Variants in GRK6 observed in about 807,000 individuals in gnomAD.
GRK6 encodes G protein-coupled receptor kinase 6.
Under a neutral mutation model 80.8 loss-of-function variants are expected in GRK6, and 37 were observed. The observed-to-expected ratio is 0.46, with a 90% CI of 0.35 to 0.60. The LOEUF (loss-of-function observed/expected upper bound fraction) is 0.60. Among genes scored for constraint, GRK6 ranks in the 20% least tolerant of loss-of-function variants. The pLI, the probability that GRK6 is intolerant of heterozygous loss-of-function variation, is 0.00. For synonymous variants in GRK6, 295 were observed against 320.9 expected (o/e 0.92, Z 0.86); for missense variants, 560 against 784.6 (o/e 0.71, Z 3.42).
In GRK6 at chr5:177,441,721, T is replaced by C. The variant is rs1157989033; in HGVS notation, c.1678-16T>C. 1.2e-6 allele frequency: 2 copies of C among 1,603,940 alleles called. No homozygotes were observed. The highest frequency in any genetic ancestry group is 3.3e-5 in the Admixed American group (2 of 60,008). Reference sequence around the variant, plus strand: ...CTGCCTCTCTCCCTCCCTCCGTGTCTTCCCCGTCCCTCCAGGATTGCTGTG... The same window carrying C: ...CTGCCTCTCTCCCTCCCTCCGTGTCCTCCCCGTCCCTCCAGGATTGCTGTG... On this transcript the variant is annotated splice_polypyrimidine_tract_variant and intron_variant, in intron 15 of 15. Transcript: ENST00000355472.
chr5:177,433,368 C>A lies in GRK6; in HGVS notation c.555C>A (p.Thr185=). The change falls in exon 7 of 16, where the codon ACC becomes ACA. Residue 185 remains threonine, a synonymous_variant. Transcript: ENST00000355472. Reference sequence around the variant, plus strand: ...ACAGGCAGCCAGTGACCAAAAACACCTTCAGGCAATACCGAGTCCTGGGCA... The same window carrying A: ...ACAGGCAGCCAGTGACCAAAAACACATTCAGGCAATACCGAGTCCTGGGCA... The part of the protein sequence containing the change: ...WLERQPVTKN[T]FRQYRVLGKG... 1 of 1,614,044 alleles carries A rather than the reference C, an allele frequency of 6.2e-7. No individual in the cohort carries two copies. Among genetic ancestry groups the A allele is most frequent in the Non-Finnish European group, 8.5e-7 (1 of 1,179,942 alleles).
Position 177,441,790 on chromosome 5 carries a change from GC to G in GRK6, c.*5del, listed in dbSNP as rs1446325438. The G allele has an allele frequency of 1.2e-6, 2 of 1,612,482 alleles. No individual in the cohort carries two copies. The highest frequency in any genetic ancestry group is 1.7e-6 in the Non-Finnish European group (2 of 1,179,042). On this transcript the variant is annotated 3_prime_UTR_variant, in exon 16 of 16. Coordinates refer to ENST00000355472, the MANE Select transcript of GRK6 (RefSeq NM_001004106.3). Reference sequence around the variant, plus strand: ...AGGAAGAGCTCCCCACCCGCCTCTAGCCCCCAGCCCGAGGCCCCCACCAGCA... The same window carrying G: ...AGGAAGAGCTCCCCACCCGCCTCTAGCCCCAGCCCGAGGCCCCCACCAGCA...
chr5:177,430,880 G>A lies in GRK6; in HGVS notation c.61G>A (p.Gly21Arg). The change falls in exon 2 of 16, where the codon GGA becomes AGA. Residue 21 changes from glycine (G) to arginine (R), a missense_variant. Physicochemically the swap from Gly to Arg is moderately radical, Grantham distance 125. Transcript: ENST00000355472. ...VLLKAREGGG[G>R]NRKGKSKKWR... ...TCCTATTGCTCCCACAGGTGGCGGT[G>A]GAAATCGCAAAGGCAAAAGCAAGAA... The A allele has an allele frequency of 6.2e-7, 1 of 1,614,064 alleles. No individual in the cohort carries two copies. Among genetic ancestry groups the A allele is most frequent in the East Asian group, 2.2e-5 (1 of 44,884 alleles).
intron 2 of GRK6, among the ~76,000 whole-genome samples, 180 bp downstream of exon 2, chr5:177,431,147 C>G (rs913296110): frequency 1.3e-5 from 2 of 152,248 alleles, no homozygotes; most frequent in African/African-American, 4.8e-5. Flanking sequence ...GGGTGGAGAG[C>G]AGACAGCAAA....
At position 177,441,402 on chromosome 5, in the gene GRK6, C is replaced by T. The variant is rs1764492056; in HGVS notation, c.1678-335C>T. On this transcript the variant is annotated intron_variant, in intron 15 of 15. Coordinates refer to ENST00000355472, the MANE Select transcript of GRK6 (RefSeq NM_001004106.3). ...GCTTTGATCCCCTGCACCCTGGCCC[C>T]TTCGAGCTGCCAGCTTTGCTTCGCT... 7.7e-6 allele frequency: 7 copies of T among 908,858 alleles called. No homozygotes were observed. The South Asian group carries it at 8.2e-5, about 11-fold the overall frequency. 56.3% of individuals were successfully genotyped at this position (908,858 alleles called of 1,614,324 possible).
Position 177,426,895 on chromosome 5 carries a change from A to T in GRK6, c.50A>T (p.Glu17Val). ...VANTVLLKAR[E>V]GGGGNRKGKS... Reference sequence around the variant, plus strand: ...AACACGGTGCTACTCAAGGCCCGGGAAGGTGAGGCGGCCGGGTGGGCGGCC... The same window carrying T: ...AACACGGTGCTACTCAAGGCCCGGGTAGGTGAGGCGGCCGGGTGGGCGGCC... Residue 17 changes from glutamate to valine, a missense_variant and splice_region_variant, in exon 1 of 16, where the codon GAA (glutamate) becomes GTA (valine). Around this residue, in one of 3 missense-constraint regions of GRK6, gnomAD observed 189 missense variants for 230.2 expected, o/e 0.82. Coordinates refer to ENST00000355472, the MANE Select transcript of GRK6 (RefSeq NM_001004106.3). The T allele has an allele frequency of 7.2e-7, 1 of 1,392,268 alleles. No homozygotes were observed. Among genetic ancestry groups the T allele is most frequent in the Non-Finnish European group, 9.4e-7 (1 of 1,066,022 alleles). The allele number at this position is 1,392,268 out of a possible 1,614,324, so 86.2% of individuals were successfully genotyped here.
upstream of GRK6, among the ~76,000 whole-genome samples, chr5:177,425,616 A>G (rs576048112): frequency 3.3e-5 from 5 of 152,326 alleles, no homozygotes; most frequent in African/African-American, 9.6e-5. Flanking sequence ...GAGCCTGGCT[A>G]TCTTGCTGCC....
At chr5:177,426,995 C>A (rs1460820986) in intron 1 of GRK6, 98 bp downstream of exon 1, 1 of 738,888 alleles carries the variant, frequency 1.4e-6, no homozygotes, top group Non-Finnish European at 1.8e-6. Context: ...ATCCCCTAGG[C>A]CCGCGGGCCC....
At position 177,429,625 on chromosome 5, in the gene GRK6, A is replaced by G. The variant is rs1350434960; in HGVS notation, c.53-1247A>G. Among the ~76,000 whole-genome samples the G allele has an allele frequency of 1.3e-5, 2 of 152,198 alleles. No homozygotes were observed. The highest frequency in any genetic ancestry group is 2.4e-5 in the African/African-American group (1 of 41,452). On this transcript the variant is annotated intron_variant, in intron 1 of 15. Coordinates refer to ENST00000355472, the MANE Select transcript of GRK6 (RefSeq NM_001004106.3). This position sits in a 1 kb window ranked among gnomAD's most constrained non-coding sequence, Gnocchi z 4.3. Reference sequence around the variant, plus strand: ...TCCAGGCAGCTTAGGTCGGGGAGTCATCTAGGGACCTAGCCTTGCCCCCTC... The same window carrying G: ...TCCAGGCAGCTTAGGTCGGGGAGTCGTCTAGGGACCTAGCCTTGCCCCCTC...
Position 177,435,022 on chromosome 5 carries a change from C to T in GRK6, c.968-10C>T, listed in dbSNP as rs1330443008. 3.1e-6 allele frequency: 5 copies of T among 1,612,922 alleles called. No individual in the cohort carries two copies. Among genetic ancestry groups the T allele is most frequent in the South Asian group, 1.1e-5 (1 of 91,024 alleles). The stretch of plus-strand genomic sequence containing the variant: ...TTAACGGGTCCACCTGTTTCTCCAC[C>T]CACACTCAGGCCACATCCGCATCTC... On this transcript the variant is annotated splice_polypyrimidine_tract_variant and intron_variant, in intron 10 of 15. Coordinates refer to ENST00000355472, the MANE Select transcript of GRK6 (RefSeq NM_001004106.3).
At chr5:177,432,853 G>A in intron 5 of GRK6, 47 bp downstream of exon 5, 1 of 1,388,808 alleles carries the variant, frequency 7.2e-7, no homozygotes, top group Non-Finnish European at 1.0e-6. Context: ...CCAGCGGAGG[G>A]GGCTTCTGGG....
In GRK6 at chr5:177,430,732, C is replaced by T. The variant is rs1454486192; in HGVS notation, c.53-140C>T. ...GGAACGCAGCAAGGGCGTGCTGGAGCGTGCAGAGGGAAGGCCTGAGGTGCT... is the reference window on the plus strand; with the variant it reads ...GGAACGCAGCAAGGGCGTGCTGGAGTGTGCAGAGGGAAGGCCTGAGGTGCT... On this transcript the variant is annotated intron_variant, in intron 1 of 15. Transcript: ENST00000355472. The T allele has an allele frequency of 3.0e-5, 20 of 671,386 alleles. 1 individual carries two copies. The highest frequency in any genetic ancestry group is 4.1e-4 in the Middle Eastern group (1 of 2,450). 41.6% of individuals were successfully genotyped at this position (671,386 alleles called of 1,614,324 possible). A position where few individuals can be genotyped will look rare whatever the true frequency, so the allele number is the denominator to read the frequency against.
chr5:177,432,047 C>A lies in GRK6; in HGVS notation c.201C>A (p.Phe67Leu). The stretch of plus-strand genomic sequence containing the variant: ...GGCAGCCCATTGGGCGCCTGCTGTT[C>A]CGAGAGTTCTGTGCCACGAGGCCGG... ...CERQPIGRLLFREFCATRPEL... is the reference protein window; with the variant it reads ...CERQPIGRLLLREFCATRPEL... The change falls in exon 3 of 16, where the codon TTC becomes TTA. Residue 67 changes from phenylalanine (F) to leucine (L), a missense_variant. Around this residue, in one of 3 missense-constraint regions of GRK6, gnomAD observed 189 missense variants for 230.2 expected, o/e 0.82. Transcript: ENST00000355472. The A allele has an allele frequency of 6.2e-7, 1 of 1,613,236 alleles. No individual in the cohort carries two copies. Among genetic ancestry groups the A allele is most frequent in the Non-Finnish European group, 8.5e-7 (1 of 1,179,788 alleles).
At chr5:177,430,021 GT>G (rs35292164) in intron 1 of GRK6, among the ~76,000 whole-genome samples, 71,965 of 146,768 alleles carry the variant, frequency 0.49, 17,572 homozygotes, top group African/African-American at 0.54. Flanking sequence ...GCTGCAGTGA[GT>G]TTTTTTTTTT....
upstream of GRK6, among the ~76,000 whole-genome samples, chr5:177,426,306 T>C (rs1415564919): frequency 6.6e-6 from 1 of 152,132 alleles, no homozygotes. Context: ...CAAAATGCAG[T>C]ACTTGAGATG....
At chr5:177,430,295 T>C (rs1317251530) in intron 1 of GRK6, among the ~76,000 whole-genome samples, 1 of 152,114 alleles carries the variant, frequency 6.6e-6, no homozygotes, top group Non-Finnish European at 1.5e-5. Context: ...GCAGATGGGG[T>C]GTCTGCGAGG....
rs75436992 is a variant in GRK6 at position 177,437,389 on chromosome 5, G to A, written c.1404+859G>A. 3.7e-3 allele frequency among the ~76,000 whole-genome samples: 564 copies of A among 152,272 alleles called. 3 individuals are homozygous for A. The highest frequency in any genetic ancestry group is 0.013 in the African/African-American group (545 of 41,544). ...CACCCACCCGAACCTGCACCAATGG[G>A]GGAGCTCAGTTCCCCAGAGGAAAAC... On this transcript the variant is annotated intron_variant, in intron 13 of 15. Transcript: ENST00000355472.
chr5:177,431,922 T>C, intron 2 of GRK6, 73 bp from the exon 3 acceptor site: 1 of 1,324,318 alleles, frequency 7.6e-7, no homozygotes, highest in Non-Finnish European at 1.1e-6. Flanking sequence ...GCCCAGGGCC[T>C]GGTGGTGTGG....
chr5:177,436,341 C>A, intron 12 of GRK6, 52 bp from the exon 13 acceptor site: 4 of 1,600,270 alleles, frequency 2.5e-6, no homozygotes, highest in Non-Finnish European at 2.6e-6. Context: ...CTTTCCCTCC[C>A]TCCCACCCAC....
Sources: gnomAD v4.1 joint callset for allele counts (sites outside exome capture counted in the v4.1 genomes callset) on GRCh38, gnomAD v4.1.1 for gene constraint, gnomAD v4.1.1 regional missense constraint, Gnocchi (gnomAD v3.1) non-coding constraint, MANE v1.5 for transcripts, NCBI Gene and HGNC (gene_info 2026-07-23, HGNC 2026-07-21) for gene names.